Variants in PARD3B observed in about 807,000 individuals in gnomAD.
The protein encoded by PARD3B is par-3 family cell polarity regulator beta.
Under a neutral mutation model 130.2 loss-of-function variants are expected in PARD3B, and 103 were observed. The observed-to-expected ratio is 0.79, with a 90% CI of 0.67 to 0.93. The LOEUF (loss-of-function observed/expected upper bound fraction) is 0.93. PARD3B is among the 40% of genes least tolerant of loss of function. The pLI, the probability that PARD3B is intolerant of heterozygous loss-of-function variation, is 0.00. For synonymous variants in PARD3B, 583 were observed against 553.2 expected, an observed-to-expected ratio of 1.05 and a Z score of -0.76; for missense variants, 1,609 against 1,499.2, an observed-to-expected ratio of 1.07 and a Z score of -1.21.
At chr2:204,788,006 C>A (rs2125467203) in intron 2 of PARD3B, among the ~76,000 whole-genome samples, 1 of 152,242 alleles carries the variant, frequency 6.6e-6, no homozygotes, top group African/African-American at 2.4e-5. Context: ...ATGTTTAATC[C>A]ATGTTTTGTG....
Position 205,258,115 on chromosome 2 carries a change from A to G in PARD3B, c.2185+12293A>G, listed in dbSNP as rs553833659. Among the ~76,000 whole-genome samples the G allele has an allele frequency of 4.6e-5, 7 of 152,302 alleles. No homozygotes were observed. The highest frequency in any genetic ancestry group is 4.6e-4 in the Admixed American group (7 of 15,308). On this transcript the variant is annotated intron_variant, in intron 16 of 22. Transcript: ENST00000406610. The surrounding 1 kb of genome is among the most constrained non-coding windows in gnomAD (Gnocchi z 4.9). ...TTGGAGAGAGAAACATAACAGATGC[A>G]ATGGTACACTTCCATGTGGGCCTGG...
chr2:205,455,878 C>T (rs1225327114), intron 20 of PARD3B, among the ~76,000 whole-genome samples: 3 of 152,020 alleles, frequency 2.0e-5, no homozygotes, highest in African/African-American at 7.2e-5. Flanking sequence ...ACCATTTTTG[C>T]AGTCAAGATA....
At chr2:205,093,735 T>A (rs1702244118) in intron 4 of PARD3B, among the ~76,000 whole-genome samples, 1 of 152,204 alleles carries the variant, frequency 6.6e-6, no homozygotes, top group African/African-American at 2.4e-5. Flanking sequence ...AATGGGACAG[T>A]GCATCCCTCT....
intron 2 of PARD3B, among the ~76,000 whole-genome samples, chr2:204,888,319 C>T (rs1048809324): frequency 4.0e-5 from 6 of 151,738 alleles, no homozygotes; most frequent in African/African-American, 1.5e-4. Flanking sequence ...ATGCAGTAGA[C>T]CAAGATCTGG....
intron 20 of PARD3B, among the ~76,000 whole-genome samples, chr2:205,454,215 C>A (rs1031936317): frequency 1.3e-5 from 2 of 152,110 alleles, no homozygotes; most frequent in African/African-American, 4.8e-5. Context: ...TTAGGCTAAG[C>A]CACATACCTT....
chr2:205,158,958 G>A lies in PARD3B; in HGVS notation c.1620+51G>A, dbSNP rs758638037. ...CCTTTGAGAAGGCACTTGGAGATGT[G>A]ACTGTTGTACTTAGAGACTGAATGG... is the stretch of plus-strand genomic sequence containing the variant. On this transcript the variant is annotated intron_variant, in intron 11 of 22. Coordinates refer to ENST00000406610, the MANE Select transcript of PARD3B (RefSeq NM_001302769.2). This position sits in a 1 kb window ranked among gnomAD's most constrained non-coding sequence, Gnocchi z 5.4. 1 of 1,587,362 alleles carries A rather than the reference G, an allele frequency of 6.3e-7. No individual in the cohort carries two copies. The highest frequency in any genetic ancestry group is 1.1e-5 in the South Asian group (1 of 89,870).
intron 3 of PARD3B, among the ~76,000 whole-genome samples, chr2:204,973,213 A>G (rs951339180): frequency 2.6e-5 from 4 of 152,196 alleles, no homozygotes; most frequent in African/African-American, 9.6e-5. Context: ...ACTGCTTTTC[A>G]CAGCCTAATA....
chr2:205,583,400 T>TGTGTGTGTGTGC (rs1192785640), intron 22 of PARD3B, among the ~76,000 whole-genome samples: 1,496 of 133,956 alleles, frequency 0.011, 9 homozygotes, highest in Non-Finnish European at 0.014. Context: ...TGTGTGTGTG[T>TGTGTGTGTGTGC]GCGCGCGCAC....
intron 3 of PARD3B, among the ~76,000 whole-genome samples, chr2:204,971,624 T>C (rs761409528): frequency 1.3e-5 from 2 of 152,100 alleles, no homozygotes; most frequent in Non-Finnish European, 1.5e-5. Flanking sequence ...GAGTCTGTTT[T>C]TTTTTTCCCC....
At chr2:205,547,609 A>G (rs1452268424) in intron 21 of PARD3B, among the ~76,000 whole-genome samples, 1 of 152,154 alleles carries the variant, frequency 6.6e-6, no homozygotes. Context: ...CACAATGCTC[A>G]TATCAGGAGC....
At chr2:204,634,235 C>A (rs556136631) in intron 1 of PARD3B, among the ~76,000 whole-genome samples, 1 of 152,294 alleles carries the variant, frequency 6.6e-6, no homozygotes, top group Non-Finnish European at 1.5e-5. Context: ...TAAGTGAGAA[C>A]ATGCGATGTT....
intron 11 of PARD3B, among the ~76,000 whole-genome samples, chr2:205,161,480 G>A (rs1044176290): frequency 6.6e-6 from 1 of 152,096 alleles, no homozygotes; most frequent in South Asian, 2.1e-4. Flanking sequence ...AAGGGTAGAG[G>A]CCTGAGATTT....
chr2:205,081,980 A>T (rs1701440954), intron 4 of PARD3B, among the ~76,000 whole-genome samples: 2 of 152,086 alleles, frequency 1.3e-5, no homozygotes, highest in African/African-American at 4.8e-5. Flanking sequence ...ACTGTTTGAG[A>T]TGTAGTAATC....
rs910717966 is a variant in PARD3B, at chr2:205,615,718, A to G, written c.3523A>G (p.Thr1175Ala). Residue 1175 changes from threonine to alanine, a missense_variant, in exon 23 of 23, where the codon ACA (threonine) becomes GCA (alanine). Physicochemically the swap from Thr to Ala is moderately conservative, Grantham distance 58. Transcript: ENST00000406610. Reference protein sequence around the residue: ...QHQRMPAYQETGRPGPRGGSP... With the variant: ...QHQRMPAYQEAGRPGPRGGSP... ...CCAAAGAATGCCAGCCTATCAGGAA[A>G]CAGGCAGACCAGGGCCCCGTGGGGG... The G allele has an allele frequency of 6.2e-7, 1 of 1,614,098 alleles. No individual in the cohort carries two copies. The highest frequency in any genetic ancestry group is 1.3e-5 in the African/African-American group (1 of 75,010).
At chr2:204,947,982 C>T (rs1467503999) in intron 2 of PARD3B, among the ~76,000 whole-genome samples, 1 of 152,138 alleles carries the variant, frequency 6.6e-6, no homozygotes, top group East Asian at 1.9e-4. Flanking sequence ...AATTAAGTAT[C>T]AGGTCTCTAC....
chr2:204,786,347 C>A (rs2042010425), intron 2 of PARD3B, among the ~76,000 whole-genome samples: 1 of 151,928 alleles, frequency 6.6e-6, no homozygotes, highest in African/African-American at 2.4e-5. Context: ...ATTTTGAATT[C>A]TGTTGGAATC....
rs1576002624 is a variant in PARD3B at position 205,158,457 on chromosome 2, T to G, written c.1435-265T>G. Among the ~76,000 whole-genome samples, 1 of 152,166 alleles carries G rather than the reference T, an allele frequency of 6.6e-6. No individual in the cohort carries two copies. Among genetic ancestry groups the G allele is most frequent in the East Asian group, 1.9e-4 (1 of 5,176 alleles). ...CCAAAGGCTTGCGAGGTGTTTCAGATTGCATCGCTCTGACTTGCCAAACGA... is the reference window on the plus strand; with the variant it reads ...CCAAAGGCTTGCGAGGTGTTTCAGAGTGCATCGCTCTGACTTGCCAAACGA... On this transcript the variant is annotated intron_variant, in intron 10 of 22. Transcript: ENST00000406610. This position sits in a 1 kb window ranked among gnomAD's most constrained non-coding sequence, Gnocchi z 5.4.
intron 11 of PARD3B, among the ~76,000 whole-genome samples, chr2:205,168,948 G>C (rs766801618): frequency 5.9e-5 from 9 of 152,154 alleles, no homozygotes; most frequent in Non-Finnish European, 1.3e-4. Flanking sequence ...TTAACTAGCT[G>C]AACAAGTCTA....
chr2:205,615,976 G>GAAGGGGAA lies in PARD3B; in HGVS notation c.*164_*171dup. 1.6e-6 allele frequency: 1 copy of GAAGGGGAA among 640,496 alleles called. No individual in the cohort carries two copies. The highest frequency in any genetic ancestry group is 2.6e-6 in the Non-Finnish European group (1 of 388,162). 39.7% of individuals were successfully genotyped at this position (640,496 alleles called of 1,614,324 possible). ...CATGACTGCTAATCAGAGAGAAAAA[G>GAAGGGGAA]AAGGGGAAGGGAATTGGGGAGGAAA... On this transcript the variant is annotated 3_prime_UTR_variant, in exon 23 of 23. Coordinates refer to ENST00000406610, the MANE Select transcript of PARD3B (RefSeq NM_001302769.2).
Sources: allele counts gnomAD v4.1 joint callset (sites outside exome capture counted in the v4.1 genomes callset), GRCh38; gene constraint gnomAD v4.1.1; non-coding constraint Gnocchi (gnomAD v3.1); transcripts MANE v1.5; gene names NCBI Gene and HGNC (gene_info 2026-07-23, HGNC 2026-07-21).